The following DNAH11 variants were observed in gnomAD, a reference collection of about 807,000 sequenced individuals.
The protein encoded by DNAH11 is axonemal beta dynein heavy chain 11.
DNAH11 carries 442 observed loss-of-function variants against 526.0 expected under a neutral mutation model. The observed-to-expected ratio is 0.84, with a 90% CI of 0.78 to 0.91. The LOEUF (loss-of-function observed/expected upper bound fraction) is 0.91, where lower values mean the gene tolerates loss of function less well. DNAH11 is among the 40% of genes least tolerant of loss of function. The pLI is 0.00. For synonymous variants in DNAH11, 2,461 were observed against 1,935.9 expected, an observed-to-expected ratio of 1.27 and a Z score of -7.12; for missense variants, 6,989 against 5,448.7, an observed-to-expected ratio of 1.28 and a Z score of -8.90.
At position 21,794,631 on chromosome 7, in the gene DNAH11, G is replaced by A. The variant is rs141883679; in HGVS notation, c.10026+5289G>A. Among the ~76,000 whole-genome samples the A allele has an allele frequency of 1.0e-3, 154 of 152,188 alleles. 4 individuals carry two copies. In the East Asian group the frequency reaches 0.027, roughly 27 times the overall value. ...CCATGGAGTGTGCCTTGTACAGTGT[G>A]GTGCTGTTGAACAGCCACTCTGATT... On this transcript the variant is annotated intron_variant, in intron 61 of 81. Transcript: ENST00000409508.
At chr7:21,881,425 G>A (rs1783921520) in intron 75 of DNAH11, among the ~76,000 whole-genome samples, 1 of 152,162 alleles carries the variant, frequency 6.6e-6, no homozygotes, top group Admixed American at 6.6e-5. Flanking sequence ...TGAAGTTAAA[G>A]GTAGATGAAT....
intron 35 of DNAH11, among the ~76,000 whole-genome samples, chr7:21,692,202 T>C (rs1156739150): frequency 6.6e-6 from 1 of 152,178 alleles, no homozygotes; most frequent in Non-Finnish European, 1.5e-5. Flanking sequence ...AATTGTAAGG[T>C]TTATCATCAT....
At chr7:21,711,630 C>T in intron 41 of DNAH11, 82 bp from the exon 42 acceptor site, 2 of 1,535,040 alleles carry the variant, frequency 1.3e-6, no homozygotes, top group South Asian at 1.3e-5. Context: ...TGTGATACTT[C>T]TGGTAGGGGA....
rs140031432 is a variant in DNAH11 at position 21,611,186 on chromosome 7, C to G, written c.3853-3928C>G. ...CAAAGGAGAGGCAAATTTGCTGTCT[C>G]CTCTGGAAAAGGAATACCTTTCTCC... On this transcript the variant is annotated intron_variant, in intron 20 of 81. Coordinates refer to ENST00000409508, the MANE Select transcript of DNAH11 (RefSeq NM_001277115.2). Among the ~76,000 whole-genome samples the G allele has an allele frequency of 2.0e-3, 309 of 152,230 alleles. 2 individuals are homozygous for G. The highest frequency in any genetic ancestry group is 6.9e-3 in the African/African-American group (286 of 41,528).
chr7:21,854,971 T>C (rs1782780035), intron 68 of DNAH11, among the ~76,000 whole-genome samples: 1 of 151,866 alleles, frequency 6.6e-6, no homozygotes, highest in African/African-American at 2.4e-5. Flanking sequence ...TTTGAGGTAA[T>C]TAAACTGTGC....
chr7:21,749,000 A>T (rs1376909048), intron 52 of DNAH11, among the ~76,000 whole-genome samples: 1 of 152,168 alleles, frequency 6.6e-6, no homozygotes. Context: ...TTACTTAAAC[A>T]CTTGCTTACA....
chr7:21,591,090 T>A (rs994196824), intron 13 of DNAH11, 68 bp downstream of exon 13: 84 of 1,383,742 alleles, frequency 6.1e-5, no homozygotes, highest in Non-Finnish European at 1.3e-5. Flanking sequence ...GAATTTTAAT[T>A]ATTATATAGA....
intron 35 of DNAH11, among the ~76,000 whole-genome samples, chr7:21,692,458 A>C (rs1783673929): frequency 6.6e-6 from 1 of 152,148 alleles, no homozygotes; most frequent in Admixed American, 6.5e-5. Flanking sequence ...TTCTTTGAGC[A>C]TTGTGGTTTT....
chr7:21,749,915 T>C (rs1357592551), intron 53 of DNAH11, 114 bp downstream of exon 53: 97 of 1,508,408 alleles, frequency 6.4e-5, no homozygotes, highest in Admixed American at 1.2e-4. Flanking sequence ...GGGCAGTCTT[T>C]GGGGAGAAAC....
intron 54 of DNAH11, among the ~76,000 whole-genome samples, chr7:21,758,484 C>G (rs1786733785): frequency 6.6e-6 from 1 of 152,026 alleles, no homozygotes; most frequent in African/African-American, 2.4e-5. Flanking sequence ...GTGCTGAGTC[C>G]TTGGAATGTG....
intron 32 of DNAH11, among the ~76,000 whole-genome samples, chr7:21,686,832 G>C (rs1407242675): frequency 1.3e-5 from 2 of 152,036 alleles, no homozygotes; most frequent in African/African-American, 4.8e-5. Context: ...AGTGTTATTT[G>C]TATTCAAATA....
At chr7:21,578,414 G>A (rs1784181171) in intron 8 of DNAH11, among the ~76,000 whole-genome samples, 2 of 152,194 alleles carry the variant, frequency 1.3e-5, no homozygotes, top group Admixed American at 1.3e-4. Flanking sequence ...GATATAAGAG[G>A]TGGGCTTCCA....
At chr7:21,635,047 A>G (rs1359216588) in intron 25 of DNAH11, among the ~76,000 whole-genome samples, 1 of 152,162 alleles carries the variant, frequency 6.6e-6, no homozygotes, top group East Asian at 1.9e-4. Context: ...CAAAACAAAA[A>G]CAAGCACTGG....
chr7:21,643,272 C>A (rs1305607947), intron 28 of DNAH11, among the ~76,000 whole-genome samples: 1 of 152,140 alleles, frequency 6.6e-6, no homozygotes, highest in African/African-American at 2.4e-5. Flanking sequence ...CCCTTTTGCA[C>A]CCTTTCAGGT....
At chr7:21,741,432 G>A (rs1365937783) in intron 48 of DNAH11, among the ~76,000 whole-genome samples, 1 of 152,214 alleles carries the variant, frequency 6.6e-6, no homozygotes, top group African/African-American at 2.4e-5. Flanking sequence ...TTTTGTGTTT[G>A]CGTAGAAGCT....
At chr7:21,869,716 A>G (rs181988189) in intron 73 of DNAH11, among the ~76,000 whole-genome samples, 1 of 152,210 alleles carries the variant, frequency 6.6e-6, no homozygotes, top group Admixed American at 6.5e-5. Context: ...ATCAATCATT[A>G]TCTCATACAA....
At chr7:21,756,963 T>G (rs910509861) in intron 54 of DNAH11, among the ~76,000 whole-genome samples, 5 of 152,222 alleles carry the variant, frequency 3.3e-5, no homozygotes, top group African/African-American at 1.2e-4. Flanking sequence ...TCTCATTAAG[T>G]TCTTTTCTCA....
rs921416482 is a variant in DNAH11, at chr7:21,726,003, G to A, written c.7440+19G>A. The A allele has an allele frequency of 6.5e-7, 1 of 1,527,124 alleles. No homozygotes were observed. Among genetic ancestry groups the A allele is most frequent in the Non-Finnish European group, 8.8e-7 (1 of 1,136,606 alleles). The allele number at this position is 1,527,124 out of a possible 1,614,324, so 94.6% of individuals were successfully genotyped here. A position where few individuals can be genotyped will look rare whatever the true frequency, so the allele number is the denominator to read the frequency against. On this transcript the variant is annotated intron_variant, in intron 45 of 81. Coordinates refer to ENST00000409508, the MANE Select transcript of DNAH11 (RefSeq NM_001277115.2). The stretch of plus-strand genomic sequence containing the variant: ...TCTGCAGGTAGGTGTGTGGAACATA[G>A]CAATTGTATTAGTCTGTTTTCATAT...
At chr7:21,879,913 C>T (rs1301616143) in intron 74 of DNAH11, among the ~76,000 whole-genome samples, 1 of 151,942 alleles carries the variant, frequency 6.6e-6, no homozygotes, top group South Asian at 2.1e-4. Context: ...GGCAAAAACC[C>T]ATCTCTATTA....
Sources: allele counts gnomAD v4.1 joint callset (sites outside exome capture counted in the v4.1 genomes callset), GRCh38; gene constraint gnomAD v4.1.1; transcripts MANE v1.5; gene names NCBI Gene and HGNC (gene_info 2026-07-23, HGNC 2026-07-21).